Variants in SP100 observed in about 807,000 individuals in gnomAD.
SP100 encodes nuclear autoantigen Sp-100.
SP100 carries 84 observed loss-of-function variants against 130.0 expected under a neutral mutation model. That is an observed-to-expected ratio of 0.65 (90% confidence interval 0.54 to 0.77). The LOEUF is 0.77. Among genes scored for constraint, SP100 ranks in the 30% least tolerant of loss-of-function variants. The pLI, the probability that SP100 is intolerant of heterozygous loss-of-function variation, is 0.00. For synonymous variants in SP100, 331 were observed against 351.7 expected (o/e 0.94, Z 0.66); for missense variants, 978 against 1,052.2 (o/e 0.93, Z 0.97).
chr2:230,424,624 G>A (rs184708024), intron 2 of SP100, among the ~76,000 whole-genome samples: 125 of 146,708 alleles, frequency 8.5e-4, no homozygotes, highest in African/African-American at 2.1e-3. Context: ...AGCCGATATC[G>A]CACCACTGCA....
intron 24 of SP100, among the ~76,000 whole-genome samples, chr2:230,519,532 G>C (rs1691073322): frequency 1.3e-5 from 2 of 152,170 alleles, no homozygotes; most frequent in African/African-American, 2.4e-5. Context: ...CTAAGAGACA[G>C]ATGGGAGCCA....
At chr2:230,417,067 T>G (rs1008887655) in intron 1 of SP100, among the ~76,000 whole-genome samples, 1 of 152,214 alleles carries the variant, frequency 6.6e-6, no homozygotes, top group Admixed American at 6.5e-5. Flanking sequence ...TTCATAAAAT[T>G]TAAAACAGTG....
At chr2:230,482,034 G>A (rs1231967029) in intron 17 of SP100, among the ~76,000 whole-genome samples, 1 of 152,050 alleles carries the variant, frequency 6.6e-6, no homozygotes, top group African/African-American at 2.4e-5. Flanking sequence ...GTATACATGT[G>A]CCATGCTGGT....
intron 2 of SP100, among the ~76,000 whole-genome samples, chr2:230,437,683 C>T (rs552544990): frequency 2.6e-5 from 4 of 151,810 alleles, no homozygotes; most frequent in South Asian, 2.1e-4. Flanking sequence ...CTCAGCCTCC[C>T]GAGTAGCTGG....
chr2:230,472,862 C>T (rs754551777), intron 15 of SP100, among the ~76,000 whole-genome samples: 14 of 152,200 alleles, frequency 9.2e-5, no homozygotes, highest in Admixed American at 2.6e-4. Flanking sequence ...TTCATCCACT[C>T]CTGTGATTTC....
At chr2:230,522,645 C>T (rs140969660) in intron 24 of SP100, among the ~76,000 whole-genome samples, 2,555 of 150,284 alleles carry the variant, frequency 0.017, 46 homozygotes, top group Middle Eastern at 0.025. Context: ...CACACCACCA[C>T]GCCCAGCTAA....
chr2:230,484,983 G>T (rs2065999055), intron 17 of SP100, among the ~76,000 whole-genome samples: 1 of 152,108 alleles, frequency 6.6e-6, no homozygotes, highest in Admixed American at 6.6e-5. Context: ...AGGCTGGAGT[G>T]CAGTGGTGTA....
chr2:230,514,805 G>A (rs1248182242), intron 24 of SP100, among the ~76,000 whole-genome samples: 1 of 152,180 alleles, frequency 6.6e-6, no homozygotes, highest in African/African-American at 2.4e-5. Context: ...GATTGTGTCT[G>A]CACTACTTGT....
Position 230,462,016 on chromosome 2 carries a change from TA to T in SP100, c.974-409del, listed in dbSNP as rs544382011. Among the ~76,000 whole-genome samples, 192 of 140,580 alleles carry T rather than the reference TA, an allele frequency of 1.4e-3. 1 individual carries two copies. The highest frequency in any genetic ancestry group is 4.7e-3 in the East Asian group (23 of 4,926). 92.2% of individuals were successfully genotyped at this position (140,580 alleles called of 152,430 possible). On this transcript the variant is annotated intron_variant, in intron 9 of 28. Transcript: ENST00000340126. ...AGAGAGGAAGGCATGGGAGAGGAGT[TA>T]AAAAAAAAATCAGAGAGCCAAGATA...
chr2:230,517,716 G>A (rs1043964880), intron 24 of SP100, among the ~76,000 whole-genome samples: 1 of 149,732 alleles, frequency 6.7e-6, no homozygotes, highest in South Asian at 2.1e-4. Context: ...AGTGAGCCGA[G>A]ATTGCACCAC....
intron 2 of SP100, among the ~76,000 whole-genome samples, 159 bp downstream of exon 2, chr2:230,417,824 T>TC (rs1252000060): frequency 6.6e-6 from 1 of 152,182 alleles, no homozygotes; most frequent in African/African-American, 2.4e-5. Flanking sequence ...TTGTCCTTTT[T>TC]TTCGTGATAT....
At chr2:230,482,068 C>A (rs776027158) in intron 17 of SP100, among the ~76,000 whole-genome samples, 18 of 152,066 alleles carry the variant, frequency 1.2e-4, no homozygotes, top group Non-Finnish European at 2.2e-4. Context: ...ACTCCCCCAG[C>A]CTCTTTGATA....
intron 17 of SP100, among the ~76,000 whole-genome samples, chr2:230,478,130 T>C (rs185659441): frequency 1.3e-5 from 2 of 152,278 alleles, no homozygotes; most frequent in Admixed American, 1.3e-4. Context: ...TTCTATTACA[T>C]AATAACTGGA....
At chr2:230,482,136 A>G (rs2065861834) in intron 17 of SP100, among the ~76,000 whole-genome samples, 1 of 152,030 alleles carries the variant, frequency 6.6e-6, no homozygotes, top group South Asian at 2.1e-4. Context: ...GGAATATTTT[A>G]TCCTTGTGTA....
intron 24 of SP100, among the ~76,000 whole-genome samples, chr2:230,524,969 A>G (rs1221060090): frequency 6.6e-6 from 1 of 152,222 alleles, no homozygotes; most frequent in East Asian, 1.9e-4. Context: ...GTTACTTCAA[A>G]TTATGGGCTT....
chr2:230,531,851 T>A (rs1443947081), intron 24 of SP100, among the ~76,000 whole-genome samples: 1 of 152,198 alleles, frequency 6.6e-6, no homozygotes, highest in Non-Finnish European at 1.5e-5. Context: ...TTTTAGGCTC[T>A]GAATAATACT....
chr2:230,515,379 C>T, intron 24 of SP100: 1 of 1,613,860 alleles, frequency 6.2e-7, no homozygotes. Flanking sequence ...AACATCCTGG[C>T]CTGTCCATTG....
At position 230,444,354 on chromosome 2, in the gene SP100, G is replaced by C. The variant is rs1404448331; in HGVS notation, c.439+8G>C. On this transcript the variant is annotated splice_region_variant and intron_variant, in intron 4 of 28. Coordinates refer to ENST00000340126, the MANE Select transcript of SP100 (RefSeq NM_001080391.2). ...ATAAAGGCTTTGAAAATGGTAATTA[G>C]ATTTATTATCTACCTTTTTATTTCC... is the stretch of plus-strand genomic sequence containing the variant. 1.2e-6 allele frequency: 2 copies of C among 1,606,110 alleles called. No individual in the cohort carries two copies. Among genetic ancestry groups the C allele is most frequent in the African/African-American group, 2.7e-5 (2 of 74,372 alleles).
chr2:230,519,064 TAA>T (rs1469711978), intron 24 of SP100, among the ~76,000 whole-genome samples: 1 of 152,228 alleles, frequency 6.6e-6, no homozygotes, highest in Non-Finnish European at 1.5e-5. Context: ...TGGTACAAGT[TAA>T]AGTTATCTGT....
Sources: allele counts gnomAD v4.1 joint callset (sites outside exome capture counted in the v4.1 genomes callset), GRCh38; gene constraint gnomAD v4.1.1; transcripts MANE v1.5; gene names NCBI Gene and HGNC (gene_info 2026-07-23, HGNC 2026-07-21).